EBF2: variants seen among roughly 807,000 people sequenced by gnomAD.
EBF2 encodes the protein transcription factor COE2.
In EBF2, 21 loss-of-function variants were observed where a neutral mutation model predicts 72.8. The observed-to-expected ratio is 0.29, with a 90% CI of 0.20 to 0.42. The LOEUF (loss-of-function observed/expected upper bound fraction) is 0.42. Among genes scored for constraint, EBF2 ranks in the 10% least tolerant of loss-of-function variants. EBF2 has a pLI of 1.00. For missense variants in EBF2, 637 were observed against 731.2 expected (o/e 0.87, Z 1.49); for synonymous variants, 299 against 274.2 (o/e 1.09, Z -0.89).
intron 6 of EBF2, among the ~76,000 whole-genome samples, chr8:25,952,755 C>A (rs1302029946): frequency 1.3e-5 from 2 of 152,242 alleles, no homozygotes; most frequent in Non-Finnish European, 2.9e-5. Flanking sequence ...TTTCTGCCAA[C>A]TCCAAATCAT....
chr8:26,021,418 C>T (rs1805201462), intron 6 of EBF2, among the ~76,000 whole-genome samples: 1 of 152,210 alleles, frequency 6.6e-6, no homozygotes, highest in African/African-American at 2.4e-5. Context: ...GGAGCCATAG[C>T]ATATGCTGAT....
chr8:25,853,763 T>G (rs983188973), intron 14 of EBF2, among the ~76,000 whole-genome samples: 2 of 152,082 alleles, frequency 1.3e-5, no homozygotes, highest in African/African-American at 4.8e-5. Context: ...ATATTTAGCC[T>G]ATACAATAGA....
In EBF2 at chr8:26,019,921, C is replaced by T. The variant is rs377070179; in HGVS notation, c.551+13164G>A. Among the ~76,000 whole-genome samples, 5 of 152,270 alleles carry T rather than the reference C, an allele frequency of 3.3e-5. No homozygotes were observed. In the East Asian group the frequency reaches 7.7e-4, roughly 24 times the overall value. ...CCAGGGGTTGAGAAGTGGGGAGGCA[C>T]AGCTCCACCTTCTCTGCAGAGAAGG... On this transcript the variant is annotated intron_variant, in intron 6 of 15. Transcript: ENST00000520164.
intron 15 of EBF2, among the ~76,000 whole-genome samples, chr8:25,849,515 C>G (rs1359403519): frequency 6.6e-6 from 1 of 152,192 alleles, no homozygotes; most frequent in African/African-American, 2.4e-5. Context: ...TTAATGAAAC[C>G]TCTTCCCTTT....
intron 7 of EBF2, among the ~76,000 whole-genome samples, chr8:25,902,287 G>A (rs1276269419): frequency 2.0e-5 from 3 of 152,002 alleles, no homozygotes; most frequent in Non-Finnish European, 4.4e-5. Flanking sequence ...GTCTTAACAG[G>A]CCTGTCAGCT....
rs1031537922 is a variant in EBF2, at chr8:25,869,190, C to T, written c.1010-6393G>A. On this transcript the variant is annotated intron_variant, in intron 10 of 15. Transcript: ENST00000520164. ...AATAAGAGTTAAATTCTGTCTGGGC[C>T]ACTGAAATAAGAGAGTATCTTTTTG... is the stretch of plus-strand genomic sequence containing the variant. Among the ~76,000 whole-genome samples, 13 of 152,234 alleles carry T rather than the reference C, an allele frequency of 8.5e-5. No homozygotes were observed. The East Asian group carries it at 2.5e-3, about 29-fold the overall frequency.
At chr8:25,934,269 ACACAC>A (rs1190754901) in intron 6 of EBF2, among the ~76,000 whole-genome samples, 1 of 139,522 alleles carries the variant, frequency 7.2e-6, no homozygotes, top group African/African-American at 2.8e-5. Context: ...ACACACACAC[ACACAC>A]ACCAATCTTG....
intron 6 of EBF2, among the ~76,000 whole-genome samples, chr8:25,931,761 T>C (rs185070562): frequency 3.1e-3 from 469 of 152,284 alleles, no homozygotes; most frequent in Middle Eastern, 6.8e-3. Flanking sequence ...CTTCCATCTT[T>C]CGTCCATTGA....
chr8:26,006,983 T>C (rs535457283), intron 6 of EBF2, among the ~76,000 whole-genome samples: 1 of 152,318 alleles, frequency 6.6e-6, no homozygotes, highest in South Asian at 2.1e-4. Flanking sequence ...ACAGAAGGGA[T>C]AAATAAGTTA....
chr8:26,013,023 A>G (rs533220386), intron 6 of EBF2, among the ~76,000 whole-genome samples: 1 of 152,318 alleles, frequency 6.6e-6, no homozygotes, highest in South Asian at 2.1e-4. Context: ...CAACAAGTAA[A>G]TGAGTCAAAT....
intron 6 of EBF2, among the ~76,000 whole-genome samples, chr8:26,003,943 T>C (rs1804785029): frequency 2.0e-5 from 3 of 152,132 alleles, no homozygotes; most frequent in South Asian, 2.1e-4. Context: ...AGGGGTAGTT[T>C]GTAGCAAAGC....
At chr8:26,014,791 T>A (rs892272343) in intron 6 of EBF2, among the ~76,000 whole-genome samples, 1 of 152,190 alleles carries the variant, frequency 6.6e-6, no homozygotes, top group Admixed American at 6.5e-5. Flanking sequence ...TGATCTTTCA[T>A]GAGCCACATG....
chr8:26,040,378 G>A (rs1805578007), intron 4 of EBF2, among the ~76,000 whole-genome samples: 1 of 151,662 alleles, frequency 6.6e-6, no homozygotes, highest in Non-Finnish European at 1.5e-5. Context: ...CTTTTTGTTC[G>A]CCTCTTACTG....
chr8:25,895,562 G>T (rs953667933), intron 7 of EBF2, among the ~76,000 whole-genome samples: 8 of 152,184 alleles, frequency 5.3e-5, no homozygotes, highest in African/African-American at 1.9e-4. Context: ...CTACAAGTAC[G>T]TTAGCAGTCT....
intron 6 of EBF2, among the ~76,000 whole-genome samples, chr8:25,930,589 G>A (rs1803463643): frequency 6.6e-6 from 1 of 152,166 alleles, no homozygotes; most frequent in Admixed American, 6.5e-5. Context: ...AGATAGCTAT[G>A]GAAGTCAATG....
intron 14 of EBF2, among the ~76,000 whole-genome samples, chr8:25,851,479 AAAT>A (rs1390060339): frequency 6.6e-6 from 1 of 152,186 alleles, no homozygotes. Context: ...TTCCAAGAAA[AAAT>A]AAAAGCAATT....
intron 10 of EBF2, among the ~76,000 whole-genome samples, chr8:25,874,155 T>C (rs1301284987): frequency 6.6e-6 from 1 of 152,182 alleles, no homozygotes; most frequent in Non-Finnish European, 1.5e-5. Flanking sequence ...AATTTTTTTT[T>C]CCAGGATAAC....
chr8:25,945,500 G>T (rs1163832271), intron 6 of EBF2, among the ~76,000 whole-genome samples: 5 of 151,866 alleles, frequency 3.3e-5, no homozygotes, highest in South Asian at 4.2e-4. Flanking sequence ...GCCTCCCTAG[G>T]TTTGCTCAAT....
chr8:25,992,918 A>G (rs996156955), intron 6 of EBF2, among the ~76,000 whole-genome samples: 1 of 149,754 alleles, frequency 6.7e-6, no homozygotes. Flanking sequence ...AAAAAAAATC[A>G]TATTTGGAAA....
Sources: gnomAD v4.1 joint callset for allele counts (sites outside exome capture counted in the v4.1 genomes callset) on GRCh38, gnomAD v4.1.1 for gene constraint, MANE v1.5 for transcripts, NCBI Gene and HGNC (gene_info 2026-07-23, HGNC 2026-07-21) for gene names.